The following EP300 variants were observed in gnomAD, a reference collection of about 807,000 sequenced individuals.
The protein encoded by EP300 is histone acetyltransferase p300.
EP300 carries 31 observed loss-of-function variants against 264.0 expected under a neutral mutation model. The ratio of observed to expected loss-of-function variants is 0.12; its 90% CI spans 0.09 to 0.16. The LOEUF (loss-of-function observed/expected upper bound fraction) is 0.16, where lower values mean the gene tolerates loss of function less well. EP300 is among the 10% of genes least tolerant of loss of function. The pLI is 1.00. For synonymous variants in EP300, 1,340 were observed against 1,045.4 expected (o/e 1.28, Z -5.44); for missense variants, 2,766 against 3,052.9 (o/e 0.91, Z 2.21).
intron 4 of EP300, among the ~76,000 whole-genome samples, 181 bp downstream of exon 4, chr22:41,127,929 T>C (rs2058892386): frequency 6.6e-6 from 1 of 152,226 alleles, no homozygotes; most frequent in Admixed American, 6.5e-5. Flanking sequence ...GTCTCACACT[T>C]ACAATCCCAG....
intron 4 of EP300, among the ~76,000 whole-genome samples, chr22:41,129,348 A>T (rs965675826): frequency 6.6e-6 from 1 of 152,162 alleles, no homozygotes; most frequent in Non-Finnish European, 1.5e-5. Flanking sequence ...GTATCTAAGG[A>T]TGTGAGAAGA....
intron 23 of EP300, among the ~76,000 whole-genome samples, chr22:41,167,838 T>G (rs1467037041): frequency 6.3e-4 from 60 of 95,412 alleles, no homozygotes; most frequent in South Asian, 1.2e-3. Flanking sequence ...TTTTTTTTTT[T>G]TTTTTTTTTT....
intron 2 of EP300, among the ~76,000 whole-genome samples, chr22:41,120,543 C>T (rs1219164520): frequency 2.6e-5 from 4 of 152,194 alleles, no homozygotes; most frequent in Middle Eastern, 3.4e-3. Context: ...TTTTGCACAC[C>T]GTTCTTGTCA....
chr22:41,106,257 A>G (rs1298645842), intron 1 of EP300, among the ~76,000 whole-genome samples: 1 of 152,232 alleles, frequency 6.6e-6, no homozygotes, highest in Non-Finnish European at 1.5e-5. Flanking sequence ...AGTGTCCAAA[A>G]GCAATAAGAA....
intron 1 of EP300, among the ~76,000 whole-genome samples, chr22:41,093,850 T>C (rs1204604365): frequency 3.3e-5 from 5 of 152,204 alleles, no homozygotes; most frequent in Admixed American, 3.3e-4. Flanking sequence ...ATAAACAATT[T>C]TGTGGAGTTA....
At chr22:41,105,921 AC>A (rs2058756075) in intron 1 of EP300, among the ~76,000 whole-genome samples, 1 of 152,196 alleles carries the variant, frequency 6.6e-6, no homozygotes, top group African/African-American at 2.4e-5. Flanking sequence ...TATAAAACTT[AC>A]AAGTTTTCCT....
At position 41,170,653 on chromosome 22, in the gene EP300, C is replaced by CTTT. The variant is rs35506286; in HGVS notation, c.4452+106_4452+108dup. 0.014 allele frequency: 5,478 copies of CTTT among 387,524 alleles called. 191 individuals carry two copies. Among genetic ancestry groups the CTTT allele is most frequent in the African/African-American group, 0.05 (1,582 of 31,444 alleles). 24.0% of individuals were successfully genotyped at this position (387,524 alleles called of 1,614,324 possible). On this transcript the variant is annotated intron_variant, in intron 27 of 30. Transcript: ENST00000263253. The stretch of plus-strand genomic sequence containing the variant: ...TGCTGCTCTTTGTTCTGTCATTTAA[C>CTTT]TTTTTTTTTTTTTTTTTTTTTTTTT...
chr22:41,157,709 CAG>C (rs2059085403), intron 18 of EP300, among the ~76,000 whole-genome samples: 1 of 151,702 alleles, frequency 6.6e-6, no homozygotes, highest in Non-Finnish European at 1.5e-5. Context: ...TTTGTAGAAA[CAG>C]GGTCTCATGA....
chr22:41,117,909 A>G, intron 2 of EP300, 88 bp downstream of exon 2: 3 of 1,589,500 alleles, frequency 1.9e-6, no homozygotes, highest in Non-Finnish European at 2.6e-6. Context: ...ATTGTATAGC[A>G]GTTTCCACTA....
chr22:41,093,178 T>C, intron 1 of EP300, 80 bp downstream of exon 1: 2 of 1,424,758 alleles, frequency 1.4e-6, no homozygotes, highest in Non-Finnish European at 2.0e-6. Context: ...CATTTTTTTT[T>C]TCTTCCTCTC....
At chr22:41,125,048 C>T (rs1321967439) in intron 2 of EP300, among the ~76,000 whole-genome samples, 1 of 151,762 alleles carries the variant, frequency 6.6e-6, no homozygotes, top group Non-Finnish European at 1.5e-5. Flanking sequence ...AGGTGATCCT[C>T]CTACCTCAGC....
chr22:41,125,553 G>A lies in EP300; in HGVS notation c.730-311G>A, dbSNP rs8137709. Among the ~76,000 whole-genome samples, 11,705 of 151,928 alleles carry A rather than the reference G, an allele frequency of 0.077. 567 individuals are homozygous for A. Among genetic ancestry groups the A allele is most frequent in the East Asian group, 0.17 (872 of 5,142 alleles). ...AGTGGTGGGATTACAGGTATGAGTC[G>A]CCAGGCCCGGCCACTTGGTTTTTTG... On this transcript the variant is annotated intron_variant, in intron 2 of 30. Transcript: ENST00000263253.
intron 1 of EP300, among the ~76,000 whole-genome samples, chr22:41,113,222 T>A (rs996176689): frequency 6.9e-6 from 1 of 145,230 alleles, no homozygotes; most frequent in Non-Finnish European, 1.5e-5. Flanking sequence ...CCTATATGAT[T>A]TCTTTTTTAT....
At chr22:41,135,766 T>C in intron 6 of EP300, 47 bp from the exon 7 acceptor site, 1 of 1,341,454 alleles carries the variant, frequency 7.5e-7, no homozygotes, top group Admixed American at 1.7e-5. Context: ...TATTGTATGG[T>C]GGCTGTTGTA....
chr22:41,147,719 CAG>C (rs1330438882), intron 11 of EP300, 116 bp from the exon 12 acceptor site: 8 of 759,304 alleles, frequency 1.1e-5, no homozygotes, highest in Non-Finnish European at 1.6e-5. Flanking sequence ...GCCTGGGCGA[CAG>C]AGCAAGACTC....
At chr22:41,166,321 A>G (rs1385723752) in intron 22 of EP300, among the ~76,000 whole-genome samples, 1 of 152,182 alleles carries the variant, frequency 6.6e-6, no homozygotes, top group African/African-American at 2.4e-5. Context: ...CCCCTATCAC[A>G]TTAGCAAAAC....
At chr22:41,100,989 A>G (rs1262807436) in intron 1 of EP300, among the ~76,000 whole-genome samples, 2 of 152,250 alleles carry the variant, frequency 1.3e-5, no homozygotes, top group African/African-American at 4.8e-5. Context: ...ATCAGCAGAT[A>G]GTTAAGGCAT....
In EP300 at chr22:41,176,302, T is replaced by C. The variant is rs2145512426; in HGVS notation, c.4835T>C (p.Ile1612Thr). Residue 1612 changes from isoleucine to threonine, a missense_variant, in exon 30 of 31, where the codon ATT becomes ACT. Ile to Thr is a moderately conservative substitution (Grantham distance 89). Transcript: ENST00000263253. ...CCTGCTGCCAACTCCCTGCCTCCCA[T>C]TGTTGATCCTGATCCTCTCATCCCC... ...AGPAANSLPP[I>T]VDPDPLIPCD... The C allele has an allele frequency of 1.9e-6, 3 of 1,614,160 alleles. No individual in the cohort carries two copies. The highest frequency in any genetic ancestry group is 2.5e-6 in the Non-Finnish European group (3 of 1,180,036).
At chr22:41,174,664 A>G (rs1446572517) in intron 29 of EP300, 2 of 152,060 alleles carry the variant, frequency 1.3e-5, no homozygotes, top group Admixed American at 6.6e-5. Flanking sequence ...GGGTTTGTCC[A>G]ATGGTAGTAA....
Sources: gnomAD v4.1 joint callset for allele counts (sites outside exome capture counted in the v4.1 genomes callset) on GRCh38, gnomAD v4.1.1 for gene constraint, MANE v1.5 for transcripts, NCBI Gene and HGNC (gene_info 2026-07-23, HGNC 2026-07-21) for gene names.